Variants in RPS6KA2 observed in about 807,000 individuals in gnomAD.
RPS6KA2 encodes the protein ribosomal protein S6 kinase A2.
In RPS6KA2, 42 loss-of-function variants were observed where a neutral mutation model predicts 91.8. That is an observed-to-expected ratio of 0.46 (90% CI 0.36 to 0.59). RPS6KA2 has a LOEUF of 0.59. Ranked by LOEUF, RPS6KA2 falls within the 20% of genes least tolerant of loss-of-function variation. The pLI, the probability that RPS6KA2 is intolerant of heterozygous loss-of-function variation, is 0.00. For missense variants in RPS6KA2, 798 were observed against 978.5 expected, an observed-to-expected ratio of 0.82 and a Z score of 2.46; for synonymous variants, 414 against 393.6, an observed-to-expected ratio of 1.05 and a Z score of -0.61.
chr6:166,841,665 A>C (rs1780482089), intron 2 of RPS6KA2, among the ~76,000 whole-genome samples: 1 of 152,266 alleles, frequency 6.6e-6, no homozygotes, highest in Non-Finnish European at 1.5e-5. Context: ...TGAGTCAGAA[A>C]GGACCTAGTG....
chr6:166,793,550 A>G (rs1409899419), intron 2 of RPS6KA2, among the ~76,000 whole-genome samples: 26 of 149,464 alleles, frequency 1.7e-4, no homozygotes, highest in Admixed American at 6.0e-4. Context: ...CGCCAAGTCA[A>G]TCCTAAGCCA....
Position 166,435,425 on chromosome 6 carries a change from T to G in RPS6KA2, c.1333-2935A>C, listed in dbSNP as rs902021498. Among the ~76,000 whole-genome samples the G allele has an allele frequency of 1.0e-4, 16 of 152,388 alleles. No homozygotes were observed. Among genetic ancestry groups the G allele is most frequent in the African/African-American group, 3.8e-4 (16 of 41,598 alleles). Reference sequence around the variant, plus strand: ...AATCTGATACACATTTAAGCATGCATGTTGACTTTCATTACATTTTCAACA... The same window carrying G: ...AATCTGATACACATTTAAGCATGCAGGTTGACTTTCATTACATTTTCAACA... On this transcript the variant is annotated intron_variant, in intron 14 of 20. Transcript: ENST00000265678. This position sits in a 1 kb window ranked among gnomAD's most constrained non-coding sequence, Gnocchi z 4.3.
In RPS6KA2 at chr6:166,413,854, C is replaced by T. The variant is rs781597085; in HGVS notation, c.2016G>A (p.Val672=). The change falls in exon 20 of 21, where the codon GTG becomes GTA. Residue 672 remains valine, a synonymous_variant. Coordinates refer to ENST00000265678, the MANE Select transcript of RPS6KA2 (RefSeq NM_021135.6). ...TAMQVLKHPW[V]VNREYLSPNQ... The stretch of plus-strand genomic sequence containing the variant: ...TTGGGGACAGGTACTCTCTGTTGAC[C>T]ACCCACGGGTGTTTGAGCACTTGCA... 1.5e-5 allele frequency: 25 copies of T among 1,614,056 alleles called. No homozygotes were observed. The highest frequency in any genetic ancestry group is 2.0e-5 in the Non-Finnish European group (24 of 1,180,018).
In RPS6KA2 at chr6:166,737,960, G is replaced by A. The variant is rs577835139; in HGVS notation, c.123+120240C>T. 7.2e-5 allele frequency among the ~76,000 whole-genome samples: 11 copies of A among 152,330 alleles called. No homozygotes were observed. The highest frequency in any genetic ancestry group is 2.4e-4 in the African/African-American group (10 of 41,576). On this transcript the variant is annotated intron_variant, in intron 2 of 21. Coordinates refer to the RPS6KA2 transcript ENST00000503859. The surrounding 1 kb of genome is among the most constrained non-coding windows in gnomAD (Gnocchi z 4.3). ...TAAAAATGTCATGCCATCGCTCAGA[G>A]AGAATCCTTTTAATATTGTTTACAT...
chr6:166,505,070 C>T (rs537053691), intron 5 of RPS6KA2, among the ~76,000 whole-genome samples: 1 of 152,304 alleles, frequency 6.6e-6, no homozygotes, highest in African/African-American at 2.4e-5. Context: ...TATCTATCTC[C>T]ACTCCTTGGG....
At chr6:166,740,516 G>A (rs1292960738) in intron 2 of RPS6KA2, among the ~76,000 whole-genome samples, 3 of 152,040 alleles carry the variant, frequency 2.0e-5, no homozygotes, top group Non-Finnish European at 4.4e-5. Context: ...TAACAATAAG[G>A]AAGAACAACC....
At chr6:166,835,957 T>C (rs574972039) in intron 2 of RPS6KA2, among the ~76,000 whole-genome samples, 3 of 152,216 alleles carry the variant, frequency 2.0e-5, no homozygotes, top group Non-Finnish European at 4.4e-5. Flanking sequence ...TCTCAAGTGA[T>C]TTTTATGCAT....
chr6:166,819,509 C>T (rs1226650745), intron 2 of RPS6KA2, among the ~76,000 whole-genome samples: 1 of 152,150 alleles, frequency 6.6e-6, no homozygotes, highest in Non-Finnish European at 1.5e-5. Context: ...GTTTTGCATC[C>T]CGCAAGTACC....
intron 2 of RPS6KA2, among the ~76,000 whole-genome samples, chr6:166,777,673 G>A (rs180754482): frequency 9.9e-5 from 15 of 152,232 alleles, no homozygotes; most frequent in African/African-American, 3.1e-4. Context: ...AAACTGCTAC[G>A]GTTCACAGAT....
intron 2 of RPS6KA2, among the ~76,000 whole-genome samples, chr6:166,725,084 T>C (rs528936090): frequency 6.6e-6 from 1 of 152,362 alleles, no homozygotes; most frequent in African/African-American, 2.4e-5. Flanking sequence ...TGCCAAAGAA[T>C]AATCCCACGT....
At position 166,742,060 on chromosome 6, in the gene RPS6KA2, G is replaced by A. The variant is rs181290707; in HGVS notation, c.123+116140C>T. Among the ~76,000 whole-genome samples, 236 of 152,204 alleles carry A rather than the reference G, an allele frequency of 1.6e-3. 3 individuals are homozygous for A. Among genetic ancestry groups the A allele is most frequent in the Non-Finnish European group, 2.9e-3 (198 of 68,006 alleles). On this transcript the variant is annotated intron_variant, in intron 2 of 21. Transcript: ENST00000503859. Reference sequence around the variant, plus strand: ...GGAGAATCGCTTGAATTTGAGAGGCGGCTGTTGCAGTGAGCCAAGCTGAGA... The same window carrying A: ...GGAGAATCGCTTGAATTTGAGAGGCAGCTGTTGCAGTGAGCCAAGCTGAGA...
chr6:166,550,804 C>T (rs968333332), intron 1 of RPS6KA2, among the ~76,000 whole-genome samples: 16 of 152,018 alleles, frequency 1.1e-4, no homozygotes, highest in South Asian at 2.1e-4. Context: ...AGATCGACAC[C>T]ATCCTGGCTA....
rs1330650242 is a variant in RPS6KA2, at chr6:166,433,421, T to C, written c.1333-931A>G. 1.3e-5 allele frequency among the ~76,000 whole-genome samples: 2 copies of C among 152,182 alleles called. No homozygotes were observed. The highest frequency in any genetic ancestry group is 4.1e-4 in the South Asian group (2 of 4,830). The stretch of plus-strand genomic sequence containing the variant: ...CTACCTTGGAAACAGGAAGTCGCTG[T>C]TGGTCCCTGGTGGCTAATCCCTCTG... On this transcript the variant is annotated intron_variant, in intron 14 of 20. Transcript: ENST00000265678. This position sits in a 1 kb window ranked among gnomAD's most constrained non-coding sequence, Gnocchi z 4.4.
At chr6:166,636,954 G>A (rs540849575) in intron 2 of RPS6KA2, among the ~76,000 whole-genome samples, 10 of 152,318 alleles carry the variant, frequency 6.6e-5, no homozygotes, top group East Asian at 5.8e-4. Flanking sequence ...ACACTGCTCC[G>A]GTCTCTGAGA....
chr6:166,427,989 T>C (rs1241194101), intron 16 of RPS6KA2, among the ~76,000 whole-genome samples: 1 of 151,342 alleles, frequency 6.6e-6, no homozygotes, highest in African/African-American at 2.5e-5. Context: ...GCCGCCCGCA[T>C]CGCCAAGTCA....
At chr6:166,780,313 CAG>C (rs1174854170) in intron 2 of RPS6KA2, among the ~76,000 whole-genome samples, 1 of 152,184 alleles carries the variant, frequency 6.6e-6, no homozygotes, top group Non-Finnish European at 1.5e-5. Context: ...ATGGTGTCCT[CAG>C]AGGCACAGAA....
rs1392848418 is a variant in RPS6KA2 at position 166,494,281 on chromosome 6, C to T, written c.748-3540G>A. Among the ~76,000 whole-genome samples, 1 of 152,168 alleles carries T rather than the reference C, an allele frequency of 6.6e-6. No individual in the cohort carries two copies. On this transcript the variant is annotated intron_variant, in intron 8 of 20. Transcript: ENST00000265678. The surrounding 1 kb of genome is among the most constrained non-coding windows in gnomAD (Gnocchi z 5.1). The stretch of plus-strand genomic sequence containing the variant: ...CTCTCGCTCCGTGTGCTGCACCCCA[C>T]TCCGAGTGCCAAGAATCTCAGTCTC...
chr6:166,859,308 A>C (rs563722808), intron 1 of RPS6KA2, among the ~76,000 whole-genome samples: 1 of 152,284 alleles, frequency 6.6e-6, no homozygotes, highest in East Asian at 1.9e-4. Context: ...GGTCAGCCAG[A>C]CCTTGTGGGC....
chr6:166,810,359 C>T (rs763881015), intron 2 of RPS6KA2, among the ~76,000 whole-genome samples: 16 of 152,148 alleles, frequency 1.1e-4, no homozygotes, highest in Non-Finnish European at 1.9e-4. Context: ...GCAACAGACT[C>T]GGGAGTGCAA....
Sources: allele counts gnomAD v4.1 joint callset (sites outside exome capture counted in the v4.1 genomes callset), GRCh38; gene constraint gnomAD v4.1.1; non-coding constraint Gnocchi (gnomAD v3.1); transcripts MANE v1.5; gene names NCBI Gene and HGNC (gene_info 2026-07-23, HGNC 2026-07-21).